Variants in KLRF1 observed in about 807,000 individuals in gnomAD.
KLRF1 encodes the protein killer cell lectin like receptor F1, also known as killer cell lectin-like receptor subfamily F member 1.
Under a neutral mutation model 30.7 loss-of-function variants are expected in KLRF1, and 27 were observed. The observed-to-expected ratio is 0.88, with a 90% CI of 0.65 to 1.21. The LOEUF is 1.21. Ranked by LOEUF, KLRF1 falls within the 50% of genes most tolerant of loss-of-function variation. KLRF1 has a pLI of 0.00. For synonymous variants in KLRF1, 92 were observed against 89.3 expected (o/e 1.03, Z -0.17); for missense variants, 246 against 259.3 (o/e 0.95, Z 0.35).
At chr12:9,826,371 C>T (rs1325112227), upstream of KLRF1, among the ~76,000 whole-genome samples, 1 of 151,938 alleles carries the variant, frequency 6.6e-6, no homozygotes, top group East Asian at 1.9e-4. Flanking sequence ...ATTAAAAAGT[C>T]AAAAAATAAC....
intron 4 of KLRF1, 107 bp downstream of exon 4, chr12:9,842,058 TTTTG>T: frequency 7.9e-7 from 1 of 1,273,426 alleles, no homozygotes; most frequent in Non-Finnish European, 1.1e-6. Flanking sequence ...GATTATCGAG[TTTTG>T]GGCACCCTCT....
At chr12:9,818,267 A>G in the KLRF1 span, among the ~76,000 whole-genome samples, 20 of 152,252 alleles carry the variant, frequency 1.3e-4, no homozygotes, top group Admixed American at 4.6e-4. Context: ...GGATGTATCA[A>G]TTCTCCTCTG....
At position 9,837,136 on chromosome 12, in the gene KLRF1, C is replaced by T. The variant is rs77280959; in HGVS notation, c.334+3684C>T. 6.2e-3 allele frequency among the ~76,000 whole-genome samples: 945 copies of T among 152,102 alleles called. 10 individuals are homozygous for T. Among genetic ancestry groups the T allele is most frequent in the African/African-American group, 0.022 (904 of 41,510 alleles). On this transcript the variant is annotated intron_variant, in intron 3 of 5. Transcript: ENST00000617889. ...CACTCTCCATTCTCTCTCCCCTTAG[C>T]CTCTGACAACTACAAATCTTCTTTC...
intron 3 of KLRF1, among the ~76,000 whole-genome samples, chr12:9,834,266 C>T (rs1321341034): frequency 6.6e-6 from 1 of 152,108 alleles, no homozygotes; most frequent in African/African-American, 2.4e-5. Flanking sequence ...TCAGTTACTT[C>T]AGGCCATCTG....
At chr12:9,840,406 A>G (rs1054167703) in intron 3 of KLRF1, among the ~76,000 whole-genome samples, 4 of 152,114 alleles carry the variant, frequency 2.6e-5, no homozygotes, top group Non-Finnish European at 5.9e-5. Context: ...GTAATGGGCC[A>G]TAAGTTAAAA....
upstream of KLRF1, among the ~76,000 whole-genome samples, chr12:9,823,511 C>T (rs1013545207): frequency 1.3e-5 from 2 of 152,012 alleles, no homozygotes; most frequent in African/African-American, 2.4e-5. Flanking sequence ...AAACTTATAG[C>T]GCTAAACGCC....
In KLRF1 at chr12:9,844,974, G is replaced by A. The variant is rs1244368681; in HGVS notation, c.*448G>A. 6.6e-6 allele frequency: 1 copy of A among 152,226 alleles called. No homozygotes were observed. Among genetic ancestry groups the A allele is most frequent in the Non-Finnish European group, 1.5e-5 (1 of 68,146 alleles). 9.4% of individuals were successfully genotyped at this position (152,226 alleles called of 1,614,324 possible). A position where few individuals can be genotyped will look rare whatever the true frequency, so the allele number is the denominator to read the frequency against. On this transcript the variant is annotated 3_prime_UTR_variant, in exon 6 of 6. Transcript: ENST00000617889. Reference sequence around the variant, plus strand: ...CCAGGCTTTTGCTACTCTTCACTCAGCTACAATAAACATCCTGAATGTTTT... The same window carrying A: ...CCAGGCTTTTGCTACTCTTCACTCAACTACAATAAACATCCTGAATGTTTT...
chr12:9,817,529 C>A, the KLRF1 span: 2 of 368,690 alleles, frequency 5.4e-6, no homozygotes, highest in Non-Finnish European at 1.1e-5. Context: ...CAAGGTCAAG[C>A]AAGAAACATC....
At chr12:9,820,801 G>T in the KLRF1 span, among the ~76,000 whole-genome samples, 1 of 152,276 alleles carries the variant, frequency 6.6e-6, no homozygotes, top group South Asian at 2.1e-4. Context: ...CCTAATGGCC[G>T]TTGGGCTGGG....
chr12:9,822,188 T>C, the KLRF1 span, among the ~76,000 whole-genome samples: 1 of 152,054 alleles, frequency 6.6e-6, no homozygotes, highest in Non-Finnish European at 1.5e-5. Context: ...ATGACAGAAA[T>C]AGAATTCCGA....
the KLRF1 span, among the ~76,000 whole-genome samples, chr12:9,816,713 C>G: frequency 1.3e-5 from 2 of 151,104 alleles, no homozygotes; most frequent in Non-Finnish European, 1.5e-5. Context: ...TAAAACTTGT[C>G]CTCTTTCCAG....
chr12:9,813,326 G>C, the KLRF1 span, among the ~76,000 whole-genome samples: 1 of 151,500 alleles, frequency 6.6e-6, no homozygotes, highest in Non-Finnish European at 1.5e-5. Context: ...AATTATTTTC[G>C]AGACGGGGAC....
chr12:9,805,210 A>C, the KLRF1 span, among the ~76,000 whole-genome samples: 56 of 152,044 alleles, frequency 3.7e-4, no homozygotes, highest in Non-Finnish European at 6.6e-4. Flanking sequence ...AATAATAGAA[A>C]TTTATTTCTT....
At chr12:9,811,042 T>C in the KLRF1 span, among the ~76,000 whole-genome samples, 1 of 152,078 alleles carries the variant, frequency 6.6e-6, no homozygotes, top group Non-Finnish European at 1.5e-5. Context: ...AGGGAGTGTT[T>C]CCTGTGGGCC....
chr12:9,835,761 A>G lies in KLRF1; in HGVS notation c.334+2309A>G, dbSNP rs1057038113. On this transcript the variant is annotated intron_variant, in intron 3 of 5. Coordinates refer to ENST00000617889, the MANE Select transcript of KLRF1 (RefSeq NM_016523.3). ...AATTCCAGTGGGTCTTTGCCGAGAG[A>G]TACATAAAGGAGTGGCCACAGGAAT... 2.0e-5 allele frequency among the ~76,000 whole-genome samples: 3 copies of G among 152,024 alleles called. No homozygotes were observed. The East Asian group carries it at 5.8e-4, about 29-fold the overall frequency.
At chr12:9,831,567 T>C (rs1867428796) in intron 1 of KLRF1, among the ~76,000 whole-genome samples, 1 of 152,144 alleles carries the variant, frequency 6.6e-6, no homozygotes, top group Non-Finnish European at 1.5e-5. Context: ...GGACAAAATG[T>C]TTCACAAAGT....
At chr12:9,819,127 A>C in the KLRF1 span, among the ~76,000 whole-genome samples, 85,999 of 151,948 alleles carry the variant, frequency 0.57, 24,722 homozygotes, top group East Asian at 0.72. Flanking sequence ...CCCATCCCAC[A>C]AAGGCCTGCA....
intron 1 of KLRF1, among the ~76,000 whole-genome samples, chr12:9,829,367 A>G (rs187519708): frequency 6.6e-6 from 1 of 152,282 alleles, no homozygotes; most frequent in Non-Finnish European, 1.5e-5. Flanking sequence ...ACCTAGTTAG[A>G]TTCCTTTTCT....
the KLRF1 span, among the ~76,000 whole-genome samples, chr12:9,804,313 A>T: frequency 1.3e-5 from 2 of 151,844 alleles, no homozygotes; most frequent in Non-Finnish European, 2.9e-5. Flanking sequence ...GAATTGTAGG[A>T]GTTCTTTATA....
Sources: gnomAD v4.1 joint callset for allele counts (sites outside exome capture counted in the v4.1 genomes callset) on GRCh38, gnomAD v4.1.1 for gene constraint, MANE v1.5 for transcripts, NCBI Gene and HGNC (gene_info 2026-07-23, HGNC 2026-07-21) for gene names.